Variants in ARHGAP25 observed in about 807,000 individuals in gnomAD.
The protein encoded by ARHGAP25 is rho GTPase-activating protein 25.
Under a neutral mutation model 71.0 loss-of-function variants are expected in ARHGAP25, and 34 were observed. The observed-to-expected ratio is 0.48, with a 90% CI of 0.36 to 0.64. The LOEUF (loss-of-function observed/expected upper bound fraction) is 0.64. Among genes scored for constraint, ARHGAP25 ranks in the 30% least tolerant of loss-of-function variants. The pLI, the probability that ARHGAP25 is intolerant of heterozygous loss-of-function variation, is 0.00. For synonymous variants in ARHGAP25, 282 were observed against 296.5 expected (o/e 0.95, Z 0.50); for missense variants, 706 against 805.1 (o/e 0.88, Z 1.49).
At chr2:68,739,133 A>T (rs1214563777) in intron 1 of ARHGAP25, among the ~76,000 whole-genome samples, 3 of 152,192 alleles carry the variant, frequency 2.0e-5, no homozygotes, top group Non-Finnish European at 4.4e-5. Context: ...CTAAGTGGTG[A>T]TGGGAAAACA....
intron 3 of ARHGAP25, among the ~76,000 whole-genome samples, chr2:68,784,136 A>G (rs1573526134): frequency 6.6e-6 from 1 of 152,114 alleles, no homozygotes; most frequent in East Asian, 1.9e-4. Context: ...ATTCACAAAC[A>G]GATCCTTTTT....
At position 68,816,180 on chromosome 2, in the gene ARHGAP25, A is replaced by C. The variant is rs759849301; in HGVS notation, c.808-109A>C. The C allele has an allele frequency of 1.6e-5, 14 of 892,802 alleles. No homozygotes were observed. The Admixed American group carries it at 2.4e-4, about 16-fold the overall frequency. The allele number at this position is 892,802 out of a possible 1,614,324, so 55.3% of individuals were successfully genotyped here. ...ACTACAGGAACAGGAATGACTGCCA[A>C]AGTGTTGTTTCTGCACAGATACACC... On this transcript the variant is annotated intron_variant, in intron 6 of 10. Transcript: ENST00000409202.
At chr2:68,788,079 C>A (rs1166947137) in intron 4 of ARHGAP25, 123 bp downstream of exon 4, 2 of 763,442 alleles carry the variant, frequency 2.6e-6, no homozygotes, top group African/African-American at 3.4e-5. Flanking sequence ...CAGTTCTCTG[C>A]ATGCCCATGG....
intron 4 of ARHGAP25, among the ~76,000 whole-genome samples, 191 bp downstream of exon 4, chr2:68,788,147 C>T (rs1678889519): frequency 6.6e-6 from 1 of 152,202 alleles, no homozygotes; most frequent in African/African-American, 2.4e-5. Flanking sequence ...GCTTCCCACC[C>T]CCTGCGGCAC....
chr2:68,782,598 C>G (rs1678419710), intron 3 of ARHGAP25, among the ~76,000 whole-genome samples: 1 of 152,170 alleles, frequency 6.6e-6, no homozygotes, highest in Non-Finnish European at 1.5e-5. Flanking sequence ...AGTTACTGTA[C>G]AAGGCTCTGA....
At chr2:68,765,654 T>A (rs1034995526) in intron 1 of ARHGAP25, among the ~76,000 whole-genome samples, 1 of 152,242 alleles carries the variant, frequency 6.6e-6, no homozygotes, top group Non-Finnish European at 1.5e-5. Context: ...TCTAGCCACA[T>A]TGTCCTGATC....
intron 2 of ARHGAP25, among the ~76,000 whole-genome samples, chr2:68,778,755 A>T (rs1678106830): frequency 6.6e-6 from 1 of 152,214 alleles, no homozygotes; most frequent in African/African-American, 2.4e-5. Context: ...AGAATATTCA[A>T]TGCTATTTAT....
chr2:68,787,735 C>A lies in ARHGAP25; in HGVS notation c.350-105C>A, dbSNP rs1678856186. 9 of 867,944 alleles carry A rather than the reference C, an allele frequency of 1.0e-5. No homozygotes were observed. The East Asian group carries it at 1.7e-4, about 16-fold the overall frequency. The allele number at this position is 867,944 out of a possible 1,614,324, so 53.8% of individuals were successfully genotyped here. A position where few individuals can be genotyped will look rare whatever the true frequency, so the allele number is the denominator to read the frequency against. On this transcript the variant is annotated intron_variant, in intron 3 of 10. Transcript: ENST00000409202. ...CATTTGTGTTGTTTGGCTGGTAGTG[C>A]TTCATTGAACCAAGACATCAATTTA...
chr2:68,772,168 T>C (rs1051142272), intron 1 of ARHGAP25, among the ~76,000 whole-genome samples: 1 of 152,240 alleles, frequency 6.6e-6, no homozygotes, highest in Non-Finnish European at 1.5e-5. Context: ...TTCCAATCTG[T>C]AGTATCTTTT....
chr2:68,747,192 T>G (rs35129206), intron 1 of ARHGAP25, among the ~76,000 whole-genome samples: 1 of 152,004 alleles, frequency 6.6e-6, no homozygotes, highest in Non-Finnish European at 1.5e-5. Flanking sequence ...AAAAAAAATT[T>G]TTTAGACTTC....
intron 1 of ARHGAP25, among the ~76,000 whole-genome samples, chr2:68,752,272 G>A (rs1292632818): frequency 6.6e-6 from 1 of 151,488 alleles, no homozygotes; most frequent in Non-Finnish European, 1.5e-5. Flanking sequence ...CATAAGTCAT[G>A]GTTCCATTTG....
chr2:68,748,371 A>G (rs1675961071), intron 1 of ARHGAP25, among the ~76,000 whole-genome samples: 1 of 152,144 alleles, frequency 6.6e-6, no homozygotes, highest in African/African-American at 2.4e-5. Context: ...TGCAAATCCA[A>G]TCTCTCTTTA....
In ARHGAP25 at chr2:68,810,538, A is replaced by G. The variant is rs77892610; in HGVS notation, c.675-2749A>G. On this transcript the variant is annotated intron_variant, in intron 5 of 10. Transcript: ENST00000409202. ...GTTTCAGTGTTGTAAGATGATTTAT[A>G]TAGCTAATTTTGCTCTTTTATTATA... 6.6e-4 allele frequency among the ~76,000 whole-genome samples: 101 copies of G among 152,328 alleles called. No homozygotes were observed. The East Asian group carries it at 9.6e-3, about 15-fold the overall frequency.
upstream of ARHGAP25, among the ~76,000 whole-genome samples, chr2:68,730,008 T>C (rs1674978087): frequency 6.6e-6 from 1 of 152,276 alleles, no homozygotes; most frequent in Non-Finnish European, 1.5e-5. Context: ...AAATTAATTT[T>C]GCTCTCATCA....
At position 68,724,079 on chromosome 2, in the gene ARHGAP25, C is replaced by T. The variant is rs1392562137; in HGVS notation, c.-18+13381C>T. Among the ~76,000 whole-genome samples the T allele has an allele frequency of 5.9e-5, 9 of 152,214 alleles. No homozygotes were observed. In the East Asian group the frequency reaches 1.7e-3, roughly 29 times the overall value. ...TCTCTTCTTTGAGGTCTGAGTATGACAGGACAATGGCCTCCATTGATGAGC... is the reference window on the plus strand; with the variant it reads ...TCTCTTCTTTGAGGTCTGAGTATGATAGGACAATGGCCTCCATTGATGAGC... On this transcript the variant is annotated intron_variant and NMD_transcript_variant, in intron 2 of 7. Transcript: ENST00000463483.
upstream of ARHGAP25, among the ~76,000 whole-genome samples, chr2:68,731,322 G>A (rs540022170): frequency 7.7e-4 from 117 of 152,138 alleles, no homozygotes; most frequent in Non-Finnish European, 1.2e-3. Context: ...GGGATCTTGG[G>A]TGCCTCTTTT....
chr2:68,816,383 ACT>A, intron 7 of ARHGAP25, 21 bp downstream of exon 7: 1 of 1,592,438 alleles, frequency 6.3e-7, no homozygotes, highest in South Asian at 1.1e-5. Flanking sequence ...CCTGGTATCA[ACT>A]CTGCAGTTTT....
At chr2:68,711,520 A>T (rs72838340) in intron 2 of ARHGAP25, among the ~76,000 whole-genome samples, 34,046 of 151,940 alleles carry the variant, frequency 0.22, 4,147 homozygotes, top group East Asian at 0.37. Flanking sequence ...CCATCTTTTT[A>T]AAAAATTTTT....
intron 4 of ARHGAP25, among the ~76,000 whole-genome samples, chr2:68,795,748 T>C (rs147187554): frequency 7.4e-4 from 112 of 152,308 alleles, no homozygotes; most frequent in African/African-American, 2.6e-3. Context: ...GCAATTGTTA[T>C]ATAGAATGTT....
Sources: gnomAD v4.1 joint callset for allele counts (sites outside exome capture counted in the v4.1 genomes callset) on GRCh38, gnomAD v4.1.1 for gene constraint, MANE v1.5 for transcripts, NCBI Gene and HGNC (gene_info 2026-07-23, HGNC 2026-07-21) for gene names.